Variants in BACH1 observed in about 807,000 individuals in gnomAD.
BACH1 encodes BTB domain and CNC homolog 1.
Under a neutral mutation model 52.9 loss-of-function variants are expected in BACH1, and 35 were observed. The observed-to-expected ratio is 0.66, with a 90% CI of 0.51 to 0.88. The LOEUF is 0.88. BACH1 is among the 40% of genes least tolerant of loss of function. The probability of loss-of-function intolerance (pLI) is 0.00; values close to 1 mark genes in which losing one functional copy is unlikely to be tolerated. For missense variants in BACH1, 808 were observed against 872.6 expected, an observed-to-expected ratio of 0.93 and a Z score of 0.93; for synonymous variants, 321 against 319.6, an observed-to-expected ratio of 1.00 and a Z score of -0.05.
intron 1 of BACH1, chr21:29,299,353 C>G (rs1316330565): frequency 6.6e-6 from 1 of 152,218 alleles, no homozygotes; most frequent in African/African-American, 2.4e-5. Flanking sequence ...CACATCAGCA[C>G]CGCCCTCGCG....
chr21:29,358,339 C>T (rs545584418), intron 2 of BACH1, among the ~76,000 whole-genome samples: 1 of 152,276 alleles, frequency 6.6e-6, no homozygotes, highest in Admixed American at 6.5e-5. Context: ...CTGCAGAGGA[C>T]AAAAGAGAAA....
Position 29,326,697 on chromosome 21 carries a change from G to A in BACH1, c.873G>A (p.Thr291=), listed in dbSNP as rs375506236. The A allele has an allele frequency of 8.1e-6, 13 of 1,614,018 alleles. No homozygotes were observed. Among genetic ancestry groups the A allele is most frequent in the Admixed American group, 1.7e-5 (1 of 60,008 alleles). The part of the protein sequence containing the change: ...ESKLAMEPEE[T]KKDPASQCPT... Reference sequence around the variant, plus strand: ...AATTAGCAATGGAACCTGAAGAAACGAAGAAAGATCCTGCTTCTCAGTGCC... The same window carrying A: ...AATTAGCAATGGAACCTGAAGAAACAAAGAAAGATCCTGCTTCTCAGTGCC... The change falls in exon 3 of 5, where the codon ACG becomes ACA. Residue 291 remains threonine, a synonymous_variant. Coordinates refer to ENST00000286800, the MANE Select transcript of BACH1 (RefSeq NM_001186.4).
At chr21:29,340,583 A>G (rs2089099847) in intron 4 of BACH1, among the ~76,000 whole-genome samples, 1 of 152,258 alleles carries the variant, frequency 6.6e-6, no homozygotes, top group Non-Finnish European at 1.5e-5. Flanking sequence ...TTGTTGAACC[A>G]TATTTAATTT....
At position 29,326,461 on chromosome 21, in the gene BACH1, G is replaced by C. The variant is rs2088912765; in HGVS notation, c.637G>C (p.Glu213Gln). Residue 213 changes from glutamate (E) to glutamine (Q), a missense_variant, in exon 3 of 5, where the codon GAG becomes CAG. Coordinates refer to ENST00000286800, the MANE Select transcript of BACH1 (RefSeq NM_001186.4). The stretch of plus-strand genomic sequence containing the variant: ...TCAGACATATGAGTCCATGTGCTTA[G>C]AGAAGGATGCTGCTCTGGCCTTGCC... Reference protein sequence around the residue: ...ASQTYESMCLEKDAALALPSL... With the variant: ...ASQTYESMCLQKDAALALPSL... 3.7e-6 allele frequency: 6 copies of C among 1,614,216 alleles called. No individual in the cohort carries two copies. Among genetic ancestry groups the C allele is most frequent in the Non-Finnish European group, 5.1e-6 (6 of 1,180,036 alleles).
At chr21:29,336,660 CTTTTATTT>C (rs2089048302) in intron 4 of BACH1, among the ~76,000 whole-genome samples, 1 of 151,800 alleles carries the variant, frequency 6.6e-6, no homozygotes, top group African/African-American at 2.4e-5. Flanking sequence ...CTTTCTTTCT[CTTTTATTT>C]TTTTATTTTT....
intron 2 of BACH1, 79 bp from the exon 3 acceptor site, chr21:29,325,980 T>G: frequency 1.5e-6 from 2 of 1,356,484 alleles, no homozygotes; most frequent in Non-Finnish European, 9.9e-7. Flanking sequence ...TATCTCTCTA[T>G]TCCTCTTCTA....
intron 1 of BACH1, among the ~76,000 whole-genome samples, chr21:29,315,137 G>T (rs1251671834): frequency 6.6e-6 from 1 of 152,060 alleles, no homozygotes; most frequent in Non-Finnish European, 1.5e-5. Context: ...TTAAAATAAA[G>T]GCCCTTAAAG....
chr21:29,324,282 T>A (rs1254279464), intron 2 of BACH1, among the ~76,000 whole-genome samples: 1 of 148,992 alleles, frequency 6.7e-6, no homozygotes, highest in African/African-American at 2.5e-5. Flanking sequence ...CAAAGATCCC[T>A]TGTGTTGTCC....
At chr21:29,361,637 A>C (rs1395131464) in intron 2 of BACH1, 1 of 152,212 alleles carries the variant, frequency 6.6e-6, no homozygotes, top group Non-Finnish European at 1.5e-5. Context: ...GATGGCAGCT[A>C]ATGAGTAATC....
intron 2 of BACH1, chr21:29,351,658 C>CA (rs1202733504): frequency 3.7e-6 from 2 of 534,566 alleles, no homozygotes; most frequent in African/African-American, 3.9e-5. Flanking sequence ...TCTGATGTGC[C>CA]AAGAAGTGTT....
Position 29,329,530 on chromosome 21 carries a change from G to T in BACH1, c.1613G>T (p.Arg538Leu), listed in dbSNP as rs750785692. The T allele has an allele frequency of 3.1e-6, 5 of 1,599,304 alleles. No homozygotes were observed. The highest frequency in any genetic ancestry group is 4.3e-6 in the Non-Finnish European group (5 of 1,174,266). The change falls in exon 4 of 5, where the codon CGA becomes CTA. Residue 538 changes from arginine to leucine, a missense_variant. Arg to Leu is a moderately radical substitution (Grantham distance 102). Transcript: ENST00000286800. ...GCACAACGGATAATTTCACTGTCTC[G>T]AAATGATTTTCAGTCCTTGTTGAAA... is the stretch of plus-strand genomic sequence containing the variant. ...FNAQRIISLSRNDFQSLLKMH... is the reference protein window; with the variant it reads ...FNAQRIISLSLNDFQSLLKMH...
rs2088844509 is a variant in BACH1 at position 29,321,284 on chromosome 21, T to C, written c.4T>C (p.Ser2Pro). 2.5e-6 allele frequency: 4 copies of C among 1,612,770 alleles called. No homozygotes were observed. The East Asian group carries it at 8.9e-5, about 36-fold the overall frequency. M[S>P]LSENSVFAYE... The stretch of plus-strand genomic sequence containing the variant: ...CCGACAACATTTGTTATGCAGAATG[T>C]CTCTGAGTGAGAACTCGGTTTTTGC... Residue 2 changes from serine (S) to proline (P), a missense_variant, in exon 2 of 5, where the codon TCT becomes CCT. Physicochemically the swap from Ser to Pro is moderately conservative, Grantham distance 74. Coordinates refer to ENST00000286800, the MANE Select transcript of BACH1 (RefSeq NM_001186.4).
In BACH1 at chr21:29,342,463, A is replaced by C. The variant is rs1569022642; in HGVS notation, c.1841A>C (p.Lys614Thr). The C allele has an allele frequency of 6.2e-7, 1 of 1,614,248 alleles. No individual in the cohort carries two copies. Among genetic ancestry groups the C allele is most frequent in the East Asian group, 2.2e-5 (1 of 44,892 alleles). Residue 614 changes from lysine (K) to threonine (T), a missense_variant, in exon 5 of 5, where the codon AAG becomes ACG. Physicochemically the swap from Lys to Thr is moderately conservative, Grantham distance 78. Transcript: ENST00000286800. The stretch of plus-strand genomic sequence containing the variant: ...ATTTTGTCAACTCTGGGTGAGACAA[A>C]GCAGAACCTAACTGGACTTTGCCAG... ...DHILSTLGETKQNLTGLCQKV... is the reference protein window; with the variant it reads ...DHILSTLGETTQNLTGLCQKV...
chr21:29,325,977 C>G (rs997622361), intron 2 of BACH1, 82 bp from the exon 3 acceptor site: 5 of 1,325,746 alleles, frequency 3.8e-6, no homozygotes, highest in Admixed American at 2.5e-5. Flanking sequence ...ACATATCTCT[C>G]TATTCCTCTT....
At chr21:29,360,259 A>G (rs2089263412) in intron 2 of BACH1, among the ~76,000 whole-genome samples, 2 of 152,224 alleles carry the variant, frequency 1.3e-5, no homozygotes, top group South Asian at 4.1e-4. Context: ...TGTCATAGGC[A>G]CGTCCTTAGC....
Position 29,329,706 on chromosome 21 carries a change from GT to G in BACH1, c.1776+16del, listed in dbSNP as rs2088958766. On this transcript the variant is annotated intron_variant, in intron 4 of 4. Coordinates refer to ENST00000286800, the MANE Select transcript of BACH1 (RefSeq NM_001186.4). The stretch of plus-strand genomic sequence containing the variant: ...AATTGAGAAGCTGGTAAGTGTAAAA[GT>G]TTCTTGTTACTATTTAAATTCCACC... The G allele has an allele frequency of 5.4e-6, 8 of 1,485,624 alleles. No homozygotes were observed. In the East Asian group the frequency reaches 1.9e-4, roughly 36 times the overall value. The allele number at this position is 1,485,624 out of a possible 1,614,324, so 92.0% of individuals were successfully genotyped here.
At chr21:29,315,681 A>T (rs1030001297) in intron 1 of BACH1, among the ~76,000 whole-genome samples, 1 of 152,192 alleles carries the variant, frequency 6.6e-6, no homozygotes, top group Non-Finnish European at 1.5e-5. Context: ...TGTTCTCATT[A>T]ATTGAATATT....
At chr21:29,347,793 C>T (rs992037812), downstream of BACH1, among the ~76,000 whole-genome samples, 12 of 152,216 alleles carry the variant, frequency 7.9e-5, no homozygotes, top group African/African-American at 2.9e-4. Flanking sequence ...GAACATTTTT[C>T]TCATCCCTAA....
At chr21:29,328,593 T>A (rs1339547502) in intron 3 of BACH1, among the ~76,000 whole-genome samples, 1 of 152,220 alleles carries the variant, frequency 6.6e-6, no homozygotes, top group Non-Finnish European at 1.5e-5. Flanking sequence ...AACAAAATTT[T>A]AAGTGTACGA....
Sources: gnomAD v4.1 joint callset for allele counts (sites outside exome capture counted in the v4.1 genomes callset) on GRCh38, gnomAD v4.1.1 for gene constraint, MANE v1.5 for transcripts, NCBI Gene and HGNC (gene_info 2026-07-23, HGNC 2026-07-21) for gene names.